TSC1: variants seen among roughly 807,000 people sequenced by gnomAD.
TSC1 encodes the protein TSC complex subunit 1, also known as hamartin.
A neutral mutation model predicts 124.3 loss-of-function variants in TSC1; 20 were observed. That is an observed-to-expected ratio of 0.16 (90% CI 0.11 to 0.23). TSC1 has a LOEUF of 0.23. Among genes scored for constraint, TSC1 ranks in the 10% least tolerant of loss-of-function variants. The pLI, the probability that TSC1 is intolerant of heterozygous loss-of-function variation, is 1.00. For missense variants in TSC1, 1,124 were observed against 1,448.5 expected, an observed-to-expected ratio of 0.78 and a Z score of 3.64; for synonymous variants, 493 against 539.1, an observed-to-expected ratio of 0.91 and a Z score of 1.19.
rs1845473386 is a variant in TSC1, at chr9:132,903,193, G to A, written c.2209-406C>T. Among the ~76,000 whole-genome samples the A allele has an allele frequency of 6.6e-6, 1 of 152,156 alleles. No individual in the cohort carries two copies. The highest frequency in any genetic ancestry group is 2.4e-5 in the African/African-American group (1 of 41,428). The stretch of plus-strand genomic sequence containing the variant: ...TTAACCATCACAACTTAAAGAGCAG[G>A]TGCTGCTATTGTTATTTCCATTTTA... On this transcript the variant is annotated intron_variant, in intron 17 of 22. Coordinates refer to ENST00000298552, the MANE Select transcript of TSC1 (RefSeq NM_000368.5). The surrounding 1 kb of genome is among the most constrained non-coding windows in gnomAD (Gnocchi z 5.9).
intron 1 of TSC1, among the ~76,000 whole-genome samples, chr9:132,938,679 C>T (rs550834992): frequency 9.9e-5 from 15 of 152,266 alleles, no homozygotes; most frequent in African/African-American, 3.6e-4. Flanking sequence ...GACCCGTACG[C>T]CATTTTTTTC....
rs923101737 is a variant in TSC1 at position 132,923,721 on chromosome 9, A to G, written c.364-229T>C. The G allele has an allele frequency of 3.4e-6, 2 of 592,384 alleles. No homozygotes were observed. The highest frequency in any genetic ancestry group is 3.9e-5 in the South Asian group (2 of 51,292). 36.7% of individuals were successfully genotyped at this position (592,384 alleles called of 1,614,324 possible). A position where few individuals can be genotyped will look rare whatever the true frequency, so the allele number is the denominator to read the frequency against. On this transcript the variant is annotated intron_variant, in intron 5 of 22. Transcript: ENST00000298552. This position sits in a 1 kb window ranked among gnomAD's most constrained non-coding sequence, Gnocchi z 4.2. ...AATGAGTCAGTGAGGACCATTTACA[A>G]CACACCTATGCAAAGGCATCCGGGA... is the stretch of plus-strand genomic sequence containing the variant.
chr9:132,910,860 T>A, intron 11 of TSC1, 142 bp downstream of exon 11: 2 of 1,308,122 alleles, frequency 1.5e-6, no homozygotes, highest in Non-Finnish European at 2.2e-6. Flanking sequence ...CTTTACACAT[T>A]CTGAAAGCCC....
Position 132,904,399 on chromosome 9 carries a change from T to TAACA in TSC1, c.2041+8_2041+11dup. On this transcript the variant is annotated intron_variant, in intron 16 of 22. Transcript: ENST00000298552. ...ATGTGGGCTGGATTTGGAGCTAAAGTAACAACTTTACCTCCAAAGTGGGTC... is the reference window on the plus strand; with the variant it reads ...ATGTGGGCTGGATTTGGAGCTAAAGTAACAAACAACTTTACCTCCAAAGTGGGTC... 6.2e-7 allele frequency: 1 copy of TAACA among 1,613,888 alleles called. No individual in the cohort carries two copies. Among genetic ancestry groups the TAACA allele is most frequent in the East Asian group, 2.2e-5 (1 of 44,874 alleles).
intron 8 of TSC1, among the ~76,000 whole-genome samples, chr9:132,917,828 T>A (rs1016353345): frequency 1.3e-5 from 2 of 152,188 alleles, no homozygotes; most frequent in Non-Finnish European, 2.9e-5. Context: ...GAAGAGTTCT[T>A]TTAGTCTCAA....
At chr9:132,944,925 A>C (rs1365862058), upstream of TSC1, 6 of 231,678 alleles carry the variant, frequency 2.6e-5, no homozygotes, top group Admixed American at 5.9e-5. Flanking sequence ...GCCACGCGAG[A>C]GCCCGAGGGG....
upstream of TSC1, chr9:132,944,637 A>C (rs1847987300): frequency 2.5e-6 from 1 of 398,806 alleles, no homozygotes; most frequent in Non-Finnish European, 4.4e-6. Flanking sequence ...CCGTCGTGAA[A>C]GGGCCAAGGC....
intron 15 of TSC1, 48 bp from the exon 16 acceptor site, chr9:132,904,502 A>T (rs1282531519): frequency 1.3e-6 from 2 of 1,587,156 alleles, no homozygotes; most frequent in East Asian, 4.5e-5. Flanking sequence ...TTACCAAGAA[A>T]AAAACGTATC....
At chr9:132,933,465 G>C (rs1443725777) in intron 2 of TSC1, among the ~76,000 whole-genome samples, 1 of 152,078 alleles carries the variant, frequency 6.6e-6, no homozygotes. Flanking sequence ...TTCAAAATAA[G>C]AATAATTGCT....
intron 4 of TSC1, chr9:132,926,594 T>C (rs1453729593): frequency 1.9e-5 from 3 of 154,496 alleles, no homozygotes; most frequent in South Asian, 2.0e-4. Flanking sequence ...AAAATTCTAT[T>C]CAAAGTATGG....
At chr9:132,901,550 G>C (rs2131701042) in intron 19 of TSC1, 39 bp downstream of exon 19, 2 of 1,526,166 alleles carry the variant, frequency 1.3e-6, no homozygotes, top group Non-Finnish European at 1.8e-6. Context: ...TTAGCAAATG[G>C]TGTTTCAGCA....
intron 8 of TSC1, among the ~76,000 whole-genome samples, chr9:132,918,942 G>A (rs1846400934): frequency 6.6e-6 from 1 of 152,210 alleles, no homozygotes; most frequent in South Asian, 2.1e-4. Context: ...AGATTATGCA[G>A]GGAAAAGAAA....
At chr9:132,925,765 G>C (rs1422017464) in intron 4 of TSC1, 26 bp from the exon 5 acceptor site, 2 of 1,614,016 alleles carry the variant, frequency 1.2e-6, no homozygotes, top group Non-Finnish European at 1.7e-6. Context: ...AACAAGGGCA[G>C]TCCTCACATG....
Position 132,910,991 on chromosome 9 carries a change from G to C in TSC1, c.1141+11C>G. On this transcript the variant is annotated intron_variant, in intron 11 of 22. Coordinates refer to ENST00000298552, the MANE Select transcript of TSC1 (RefSeq NM_000368.5). ...AACCAACTAATCAAATCCAACCTAA[G>C]ACATACATACCAGTTGTACCAAAGA... is the stretch of plus-strand genomic sequence containing the variant. 1.9e-6 allele frequency: 3 copies of C among 1,610,738 alleles called. No individual in the cohort carries two copies. Among genetic ancestry groups the C allele is most frequent in the Non-Finnish European group, 2.5e-6 (3 of 1,176,912 alleles).
rs764911510 is a variant in TSC1, at chr9:132,927,189, T to C, written c.210+12A>G. The C allele has an allele frequency of 1.2e-6, 2 of 1,612,850 alleles. No homozygotes were observed. The highest frequency in any genetic ancestry group is 1.7e-5 in the Admixed American group (1 of 59,998). On this transcript the variant is annotated intron_variant, in intron 4 of 22. Transcript: ENST00000298552. Reference sequence around the variant, plus strand: ...AGAACATATGAAATGCCTATGATATTTCAGCCATTACCTTGTCATGTGGCT... The same window carrying C: ...AGAACATATGAAATGCCTATGATATCTCAGCCATTACCTTGTCATGTGGCT...
In TSC1 at chr9:132,894,983, C is replaced by T. The variant is rs1325812324; in HGVS notation, c.*1252G>A. 4 of 232,066 alleles carry T rather than the reference C, an allele frequency of 1.7e-5. No individual in the cohort carries two copies. Among genetic ancestry groups the T allele is most frequent in the East Asian group, 6.1e-5 (1 of 16,430 alleles). The allele number at this position is 232,066 out of a possible 1,614,324, so 14.4% of individuals were successfully genotyped here. ...CAATTTTCTGACTAGTGTCATCTCT[C>T]GGGAGCACGTGGGGCAGCCTAGTGG... On this transcript the variant is annotated 3_prime_UTR_variant, in exon 23 of 23. Transcript: ENST00000298552.
intron 1 of TSC1, among the ~76,000 whole-genome samples, chr9:132,939,853 T>C (rs1332298837): frequency 2.6e-5 from 4 of 152,182 alleles, no homozygotes; most frequent in African/African-American, 9.7e-5. Context: ...TGGGTATTTG[T>C]TAGAAATGTA....
chr9:132,906,262 C>G lies in TSC1; in HGVS notation c.1439-123G>C. 8.7e-7 allele frequency: 1 copy of G among 1,144,980 alleles called. No homozygotes were observed. Among genetic ancestry groups the G allele is most frequent in the Non-Finnish European group, 1.3e-6 (1 of 788,618 alleles). The allele number at this position is 1,144,980 out of a possible 1,614,324, so 70.9% of individuals were successfully genotyped here. A position where few individuals can be genotyped will look rare whatever the true frequency, so the allele number is the denominator to read the frequency against. On this transcript the variant is annotated intron_variant, in intron 14 of 22. Coordinates refer to ENST00000298552, the MANE Select transcript of TSC1 (RefSeq NM_000368.5). The surrounding 1 kb of genome is among the most constrained non-coding windows in gnomAD (Gnocchi z 4.1). ...TCAGAGAGAGGAGAAAAAGTGGCAT[C>G]CGGCTGGACACAGTGGCTCACGCCT... is the stretch of plus-strand genomic sequence containing the variant.
At chr9:132,925,860 G>A (rs879735991) in intron 4 of TSC1, 121 bp from the exon 5 acceptor site, 36 of 1,283,268 alleles carry the variant, frequency 2.8e-5, no homozygotes, top group Non-Finnish European at 3.9e-5. Flanking sequence ...CAAGGGTCAT[G>A]CAGATAAAAG....
Sources: gnomAD v4.1 joint callset for allele counts (sites outside exome capture counted in the v4.1 genomes callset) on GRCh38, gnomAD v4.1.1 for gene constraint, Gnocchi (gnomAD v3.1) non-coding constraint, MANE v1.5 for transcripts, NCBI Gene and HGNC (gene_info 2026-07-23, HGNC 2026-07-21) for gene names.